The following CERS6 variants were observed in gnomAD, a reference collection of about 807,000 sequenced individuals.
CERS6 encodes the protein ceramide synthase 6, also known as LAG1 homolog, ceramide synthase 6.
In CERS6, 26 loss-of-function variants were observed where a neutral mutation model predicts 56.8. The observed-to-expected ratio is 0.46, with a 90% CI of 0.34 to 0.63. The LOEUF is 0.63. Among genes scored for constraint, CERS6 ranks in the 30% least tolerant of loss-of-function variants. CERS6 has a pLI of 0.01. For missense variants in CERS6, 415 were observed against 467.5 expected (o/e 0.89, Z 1.04); for synonymous variants, 164 against 173.3 (o/e 0.95, Z 0.42).
intron 5 of CERS6, among the ~76,000 whole-genome samples, chr2:168,691,740 G>A (rs62174418): frequency 0.058 from 8,801 of 152,214 alleles, 325 homozygotes; most frequent in East Asian, 0.14. Context: ...CCCCAGATCC[G>A]TTTAAAAAGC....
chr2:168,754,845 ACTCCTGTGCTCAAGTGATC>A (rs1376724954), intron 8 of CERS6, among the ~76,000 whole-genome samples: 1 of 151,306 alleles, frequency 6.6e-6, no homozygotes, highest in African/African-American at 2.4e-5. Context: ...GCAGCCTTGA[ACTCCTGTGCTCAAGTGATC>A]CTCCTGCGCT....
At chr2:168,718,066 T>C in intron 8 of CERS6, 88 bp downstream of exon 8, 1 of 906,410 alleles carries the variant, frequency 1.1e-6, no homozygotes, top group Non-Finnish European at 1.7e-6. Flanking sequence ...ACTGTAAGTA[T>C]TTACAGGTTT....
intron 1 of CERS6, among the ~76,000 whole-genome samples, chr2:168,477,272 C>T (rs1410614335): frequency 6.6e-6 from 1 of 151,556 alleles, no homozygotes; most frequent in African/African-American, 2.4e-5. Flanking sequence ...GTAATTGCTT[C>T]TCAAGGCCCT....
At chr2:168,479,905 G>T (rs1424865579) in intron 1 of CERS6, among the ~76,000 whole-genome samples, 14 of 152,176 alleles carry the variant, frequency 9.2e-5, no homozygotes, top group Non-Finnish European at 2.1e-4. Flanking sequence ...ACGAATCCCG[G>T]CCTTAATACC....
chr2:168,664,591 G>C (rs527471603), intron 4 of CERS6, among the ~76,000 whole-genome samples: 2 of 152,314 alleles, frequency 1.3e-5, no homozygotes, highest in African/African-American at 4.8e-5. Context: ...GGCTAAACAA[G>C]GGGTGGATTA....
At chr2:168,630,591 C>A (rs1474307664) in intron 3 of CERS6, among the ~76,000 whole-genome samples, 1 of 152,042 alleles carries the variant, frequency 6.6e-6, no homozygotes, top group Admixed American at 6.6e-5. Context: ...TCTTTTAAAA[C>A]AAATATGAAC....
chr2:168,706,157 G>C (rs1450665265), intron 6 of CERS6, among the ~76,000 whole-genome samples: 3 of 152,196 alleles, frequency 2.0e-5, no homozygotes. Flanking sequence ...TATTTGGAGA[G>C]TGTGCTTTTG....
At chr2:168,718,184 A>T (rs1353508468) in intron 8 of CERS6, among the ~76,000 whole-genome samples, 1 of 152,196 alleles carries the variant, frequency 6.6e-6, no homozygotes, top group Non-Finnish European at 1.5e-5. Context: ...TTGGAAAAGG[A>T]TGTGGCTTGC....
At chr2:168,485,921 C>T (rs1694267406) in intron 1 of CERS6, among the ~76,000 whole-genome samples, 1 of 152,140 alleles carries the variant, frequency 6.6e-6, no homozygotes, top group African/African-American at 2.4e-5. Context: ...TGTTTAGTCT[C>T]ATCAGAAACT....
chr2:168,563,617 G>A (rs945626464), intron 3 of CERS6, among the ~76,000 whole-genome samples: 3 of 152,116 alleles, frequency 2.0e-5, no homozygotes, highest in African/African-American at 7.2e-5. Flanking sequence ...CTAAAATGGT[G>A]AAACCCCGTC....
At chr2:168,692,418 A>G (rs1295016410) in intron 5 of CERS6, among the ~76,000 whole-genome samples, 1 of 152,162 alleles carries the variant, frequency 6.6e-6, no homozygotes, top group Non-Finnish European at 1.5e-5. Flanking sequence ...TTTAGTCCAG[A>G]ATAACTTTCA....
chr2:168,583,318 G>A (rs1369294177), intron 3 of CERS6, among the ~76,000 whole-genome samples: 1 of 152,166 alleles, frequency 6.6e-6, no homozygotes, highest in Admixed American at 6.5e-5. Flanking sequence ...CCAAGAAAGT[G>A]ATTGGGAAAT....
intron 6 of CERS6, among the ~76,000 whole-genome samples, chr2:168,697,588 A>G (rs572002126): frequency 6.8e-6 from 1 of 147,962 alleles, no homozygotes; most frequent in South Asian, 2.1e-4. Context: ...GAATTGATGC[A>G]CAGAGTGAGT....
chr2:168,720,597 T>C (rs1687339204), intron 8 of CERS6, among the ~76,000 whole-genome samples: 1 of 152,304 alleles, frequency 6.6e-6, no homozygotes, highest in East Asian at 1.9e-4. Flanking sequence ...GCTTAACACC[T>C]TTGTGCTGAA....
intron 4 of CERS6, among the ~76,000 whole-genome samples, chr2:168,639,257 A>G (rs1382388459): frequency 6.6e-6 from 1 of 152,218 alleles, no homozygotes; most frequent in African/African-American, 2.4e-5. Flanking sequence ...GAGTTGCATT[A>G]GTATTCACCT....
intron 4 of CERS6, among the ~76,000 whole-genome samples, chr2:168,653,501 A>C (rs1685395380): frequency 6.6e-6 from 1 of 152,260 alleles, no homozygotes; most frequent in Admixed American, 6.5e-5. Context: ...TAAATACCTT[A>C]TGTTAAAATT....
At chr2:168,713,558 A>G (rs1019879407) in intron 6 of CERS6, among the ~76,000 whole-genome samples, 4 of 152,232 alleles carry the variant, frequency 2.6e-5, no homozygotes, top group Non-Finnish European at 4.4e-5. Flanking sequence ...TCAGGAGATA[A>G]TATCAGAAAA....
At chr2:168,585,995 G>C (rs1231768017) in intron 3 of CERS6, among the ~76,000 whole-genome samples, 2 of 152,036 alleles carry the variant, frequency 1.3e-5, no homozygotes, top group African/African-American at 4.8e-5. Flanking sequence ...AGATACTTTA[G>C]TTTTTTGAGA....
At chr2:168,579,508 C>G (rs143545918) in intron 3 of CERS6, among the ~76,000 whole-genome samples, 20 of 152,286 alleles carry the variant, frequency 1.3e-4, no homozygotes, top group African/African-American at 3.6e-4. Flanking sequence ...TAAGAATGAA[C>G]TGCTCAGAGT....
Sources: allele counts gnomAD v4.1 joint callset (sites outside exome capture counted in the v4.1 genomes callset), GRCh38; gene constraint gnomAD v4.1.1; transcripts MANE v1.5; gene names NCBI Gene and HGNC (gene_info 2026-07-23, HGNC 2026-07-21).